The following GPRC5B variants were observed in gnomAD, a reference collection of about 807,000 sequenced individuals.
The protein encoded by GPRC5B is G protein-coupled receptor class C group 5 member B, also known as G protein-coupled receptor family C group 5 member B.
A neutral mutation model predicts 30.1 loss-of-function variants in GPRC5B; 16 were observed. That is an observed-to-expected ratio of 0.53 (90% CI 0.36 to 0.81). GPRC5B has a LOEUF of 0.81. Among genes scored for constraint, GPRC5B ranks in the 30% least tolerant of loss-of-function variants. GPRC5B has a pLI of 0.01. For synonymous variants in GPRC5B, 241 were observed against 239.5 expected (o/e 1.01, Z -0.06); for missense variants, 428 against 544.7 (o/e 0.79, Z 2.13).
chr16:19,876,141 G>A (rs534380469), intron 1 of GPRC5B, among the ~76,000 whole-genome samples: 251 of 152,328 alleles, frequency 1.6e-3, no homozygotes, highest in African/African-American at 5.6e-3. Flanking sequence ...AATGTGCTTT[G>A]CAGTCCTCAC....
chr16:19,863,334 AT>A (rs1029087924), intron 2 of GPRC5B, among the ~76,000 whole-genome samples: 16 of 149,344 alleles, frequency 1.1e-4, no homozygotes, highest in Non-Finnish European at 1.8e-4. Flanking sequence ...ATTTTTTAAT[AT>A]TTTTTTTTAG....
intron 2 of GPRC5B, 113 bp from the exon 3 acceptor site, chr16:19,862,086 GCTCCTCCC>G: frequency 1.2e-6 from 1 of 850,670 alleles, no homozygotes; most frequent in Non-Finnish European, 1.9e-6. Flanking sequence ...CAACCCAGTG[GCTCCTCCC>G]CTTTGTCACA....
chr16:19,878,921 G>A (rs2056781606), intron 1 of GPRC5B, among the ~76,000 whole-genome samples: 1 of 151,730 alleles, frequency 6.6e-6, no homozygotes. Flanking sequence ...CAGGGCGTGG[G>A]TCCAGCCACC....
chr16:19,858,726 T>A lies in GPRC5B; in HGVS notation c.*1774A>T. The A allele has an allele frequency of 2.2e-6, 1 of 445,546 alleles. No individual in the cohort carries two copies. The highest frequency in any genetic ancestry group is 3.9e-6 in the Non-Finnish European group (1 of 254,166). The allele number at this position is 445,546 out of a possible 1,614,324, so 27.6% of individuals were successfully genotyped here. A position where few individuals can be genotyped will look rare whatever the true frequency, so the allele number is the denominator to read the frequency against. ...TTACGTTTTCTGTCCACGCAATGAC[T>A]GGAACGGGATTCTCTAGAAGCAAGC... On this transcript the variant is annotated 3_prime_UTR_variant, in exon 4 of 4. Transcript: ENST00000300571.
intron 1 of GPRC5B, among the ~76,000 whole-genome samples, chr16:19,883,266 GC>G (rs34651637): frequency 0.36 from 55,003 of 151,806 alleles, 11,311 homozygotes; most frequent in East Asian, 0.59. Flanking sequence ...TGCTGCCTGT[GC>G]CCCCAAATGG....
Position 19,861,925 on chromosome 16 carries a change from C to T in GPRC5B, c.1079G>A (p.Ser360Asn), listed in dbSNP as rs753034705. The T allele has an allele frequency of 3.7e-6, 6 of 1,613,538 alleles. No homozygotes were observed. In the Admixed American group the frequency reaches 8.3e-5, roughly 22 times the overall value. ...FPNGSLGKRP[S>N]GSLGKRPSAP... Reference sequence around the variant, plus strand: ...GCTGGGTCTTTTCCCCAAGCTGCCACTGGGTCTTTTTCCCAAGCTGCCGTT... The same window carrying T: ...GCTGGGTCTTTTCCCCAAGCTGCCATTGGGTCTTTTTCCCAAGCTGCCGTT... Residue 360 changes from serine (S) to asparagine (N), a missense_variant, in exon 3 of 4, where the codon AGT (serine) becomes AAT (asparagine). By Grantham distance (46) the Ser-to-Asn change is conservative. Coordinates refer to ENST00000300571, the MANE Select transcript of GPRC5B (RefSeq NM_016235.3).
At chr16:19,880,016 C>T (rs2141152912) in intron 1 of GPRC5B, among the ~76,000 whole-genome samples, 1 of 151,506 alleles carries the variant, frequency 6.6e-6, no homozygotes, top group Non-Finnish European at 1.5e-5. Flanking sequence ...TGCCTGTAAT[C>T]CTAGCTACTC....
At chr16:19,879,719 C>T (rs1788793114) in intron 1 of GPRC5B, among the ~76,000 whole-genome samples, 1 of 152,196 alleles carries the variant, frequency 6.6e-6, no homozygotes, top group South Asian at 2.1e-4. Flanking sequence ...CATAAGGTGC[C>T]TCATCTGCAA....
At chr16:19,874,529 G>C (rs1019091279) in intron 1 of GPRC5B, among the ~76,000 whole-genome samples, 1 of 152,170 alleles carries the variant, frequency 6.6e-6, no homozygotes, top group Non-Finnish European at 1.5e-5. Flanking sequence ...CTTGTTCACC[G>C]GCAGACAAGG....
At chr16:19,868,637 C>G (rs2056685692) in intron 2 of GPRC5B, among the ~76,000 whole-genome samples, 1 of 152,172 alleles carries the variant, frequency 6.6e-6, no homozygotes, top group Non-Finnish European at 1.5e-5. Context: ...TGGGCTGACT[C>G]TGCCATCCCT....
chr16:19,875,363 C>A (rs1304312887), intron 1 of GPRC5B, among the ~76,000 whole-genome samples: 2 of 152,252 alleles, frequency 1.3e-5, no homozygotes, highest in East Asian at 3.9e-4. Flanking sequence ...CACTGACGTG[C>A]CACCACAGCT....
chr16:19,876,995 G>A (rs1186737042), intron 1 of GPRC5B, among the ~76,000 whole-genome samples: 1 of 152,196 alleles, frequency 6.6e-6, no homozygotes, highest in South Asian at 2.1e-4. Context: ...AGCCAGGCCC[G>A]TGAGAATCCG....
chr16:19,885,605 C>T, upstream of GPRC5B: 2 of 1,030,456 alleles, frequency 1.9e-6, no homozygotes, highest in Non-Finnish European at 2.3e-6. The surrounding 1 kb of genome is among the most constrained non-coding windows in gnomAD (Gnocchi z 5.3). Context: ...CACCCACGTA[C>T]GCACATGTCC....
At chr16:19,885,070 C>T (rs2056840442), upstream of GPRC5B, 1 of 741,648 alleles carries the variant, frequency 1.3e-6, no homozygotes, top group Non-Finnish European at 2.0e-6. The surrounding 1 kb of genome is among the most constrained non-coding windows in gnomAD (Gnocchi z 5.3). Flanking sequence ...GAGACGATTC[C>T]CCCGACCTCG....
chr16:19,868,985 T>G (rs573730038), intron 2 of GPRC5B, among the ~76,000 whole-genome samples: 1 of 152,250 alleles, frequency 6.6e-6, no homozygotes, highest in African/African-American at 2.4e-5. Flanking sequence ...AATAACAAGA[T>G]TTACCTCATT....
At chr16:19,883,942 C>T (rs147872583) in intron 1 of GPRC5B, among the ~76,000 whole-genome samples, 33 of 152,278 alleles carry the variant, frequency 2.2e-4, no homozygotes, top group Non-Finnish European at 4.6e-4. Flanking sequence ...CTAGGGACCC[C>T]GGGATGTGTG....
intron 2 of GPRC5B, 50 bp downstream of exon 2, chr16:19,871,766 T>G: frequency 9.9e-6 from 15 of 1,518,778 alleles, no homozygotes; most frequent in East Asian, 2.3e-5. Flanking sequence ...GAGTATCTTT[T>G]GAGATGAATG....
intron 1 of GPRC5B, among the ~76,000 whole-genome samples, chr16:19,877,741 G>A (rs1221495410): frequency 6.6e-6 from 1 of 152,164 alleles, no homozygotes; most frequent in Non-Finnish European, 1.5e-5. Context: ...ACAAAACCTG[G>A]CACAGGGAAG....
Position 19,865,231 on chromosome 16 carries a change from A to G in GPRC5B, c.1031-3258T>C, listed in dbSNP as rs571956929. On this transcript the variant is annotated intron_variant, in intron 2 of 3. Coordinates refer to ENST00000300571, the MANE Select transcript of GPRC5B (RefSeq NM_016235.3). Reference sequence around the variant, plus strand: ...GCTTCATGTGAATTTTGGTGGACACACATTTGGGATGATTCAAAAGAAGTC... The same window carrying G: ...GCTTCATGTGAATTTTGGTGGACACGCATTTGGGATGATTCAAAAGAAGTC... Among the ~76,000 whole-genome samples the G allele has an allele frequency of 3.9e-5, 6 of 152,184 alleles. No individual in the cohort carries two copies. In the East Asian group the frequency reaches 1.2e-3, roughly 29 times the overall value.
Sources: gnomAD v4.1 joint callset for allele counts (sites outside exome capture counted in the v4.1 genomes callset) on GRCh38, gnomAD v4.1.1 for gene constraint, Gnocchi (gnomAD v3.1) non-coding constraint, MANE v1.5 for transcripts, NCBI Gene and HGNC (gene_info 2026-07-23, HGNC 2026-07-21) for gene names.